IL23R: variants seen among roughly 807,000 people sequenced by gnomAD.
IL23R encodes the protein interleukin-23 receptor.
A neutral mutation model predicts 56.9 loss-of-function variants in IL23R; 34 were observed. That is an observed-to-expected ratio of 0.60 (90% CI 0.45 to 0.80). The LOEUF (loss-of-function observed/expected upper bound fraction) is 0.80, where lower values mean the gene tolerates loss of function less well. Ranked by LOEUF, IL23R falls within the 30% of genes least tolerant of loss-of-function variation. IL23R has a pLI of 0.00. For synonymous variants in IL23R, 230 were observed against 249.2 expected (o/e 0.92, Z 0.73); for missense variants, 635 against 730.0 (o/e 0.87, Z 1.50).
At chr1:67,210,776 C>A (rs1740327) in intron 6 of IL23R, among the ~76,000 whole-genome samples, 3 of 152,012 alleles carry the variant, frequency 2.0e-5, no homozygotes, top group Admixed American at 6.6e-5. Flanking sequence ...CCTGGCCTGG[C>A]TTTTCTTAAT....
intron 3 of IL23R, among the ~76,000 whole-genome samples, chr1:67,174,037 A>G (rs1157448093): frequency 6.6e-6 from 1 of 152,200 alleles, no homozygotes; most frequent in Non-Finnish European, 1.5e-5. Flanking sequence ...TTAGGACTGT[A>G]TTATAGTTTA....
chr1:67,167,911 A>G (rs552088101), intron 1 of IL23R, among the ~76,000 whole-genome samples, 181 bp from the exon 2 acceptor site: 1 of 152,184 alleles, frequency 6.6e-6, no homozygotes, highest in Admixed American at 6.6e-5. Context: ...TATATCTCCT[A>G]AATATACCAG....
chr1:67,210,469 GT>G (rs552762815), intron 6 of IL23R, among the ~76,000 whole-genome samples: 81 of 147,072 alleles, frequency 5.5e-4, no homozygotes, highest in African/African-American at 1.4e-3. Context: ...CTTTTTTAAG[GT>G]TTTTTTTTTA....
intron 1 of IL23R, among the ~76,000 whole-genome samples, chr1:67,167,395 A>T (rs1198357235): frequency 6.6e-6 from 1 of 152,236 alleles, no homozygotes; most frequent in Non-Finnish European, 1.5e-5. Context: ...TTAGAGTCTC[A>T]CTGGTGAGAG....
At chr1:67,156,607 C>G (rs917661317) in intron 1 of IL23R, among the ~76,000 whole-genome samples, 3 of 152,228 alleles carry the variant, frequency 2.0e-5, no homozygotes, top group Non-Finnish European at 4.4e-5. Flanking sequence ...CTCCTTAGGG[C>G]TGTTAGGGGA....
intron 3 of IL23R, 95 bp downstream of exon 3, chr1:67,169,733 A>G: frequency 1.7e-6 from 2 of 1,178,538 alleles, no homozygotes; most frequent in South Asian, 1.2e-5. Flanking sequence ...ACAAAATAAT[A>G]TAGTTCAGTT....
At chr1:67,179,464 TC>T (rs1420350631) in intron 3 of IL23R, among the ~76,000 whole-genome samples, 1 of 152,160 alleles carries the variant, frequency 6.6e-6, no homozygotes, top group East Asian at 1.9e-4. Flanking sequence ...GGTGGTGATA[TC>T]CCCTGTATCA....
chr1:67,194,370 C>T (rs1647980774), intron 4 of IL23R, among the ~76,000 whole-genome samples: 1 of 152,140 alleles, frequency 6.6e-6, no homozygotes, highest in Admixed American at 6.5e-5. Context: ...CTAAGCCTAT[C>T]CAGGAGCCCC....
At chr1:67,223,414 G>A (rs1650426896) in intron 7 of IL23R, among the ~76,000 whole-genome samples, 1 of 152,052 alleles carries the variant, frequency 6.6e-6, no homozygotes, top group East Asian at 1.9e-4. Flanking sequence ...CTGAAAACTT[G>A]GATTTATTAA....
intron 7 of IL23R, among the ~76,000 whole-genome samples, chr1:67,235,359 C>A (rs556228481): frequency 7.0e-4 from 106 of 151,866 alleles, no homozygotes; most frequent in Middle Eastern, 6.8e-3. Flanking sequence ...CCTCCTCACG[C>A]TTATGCCTGC....
intron 3 of IL23R, among the ~76,000 whole-genome samples, chr1:67,178,543 A>G (rs1244121440): frequency 9.9e-5 from 15 of 152,228 alleles, no homozygotes; most frequent in Non-Finnish European, 1.5e-5. Context: ...TTTTCTAGAT[A>G]TACAATCATG....
chr1:67,261,653 G>C (rs1236582757), downstream of IL23R, among the ~76,000 whole-genome samples: 1 of 152,114 alleles, frequency 6.6e-6, no homozygotes, highest in African/African-American at 2.4e-5. Flanking sequence ...AGCCAAGAAG[G>C]AGGTAGCATT....
intron 1 of IL23R, among the ~76,000 whole-genome samples, chr1:67,141,869 C>A (rs1182290963): frequency 1.3e-5 from 2 of 151,896 alleles, no homozygotes. Context: ...AGTTAAGCTA[C>A]CTTTTAAGCA....
intron 7 of IL23R, among the ~76,000 whole-genome samples, chr1:67,221,645 C>T (rs995437979): frequency 6.6e-6 from 1 of 152,160 alleles, no homozygotes; most frequent in African/African-American, 2.4e-5. Flanking sequence ...AGATGTCTCC[C>T]TACTGTAGGT....
intron 1 of IL23R, among the ~76,000 whole-genome samples, chr1:67,149,543 T>C (rs1646710278): frequency 1.3e-5 from 2 of 152,170 alleles, no homozygotes; most frequent in African/African-American, 2.4e-5. Flanking sequence ...TTTCCCGAAG[T>C]ACTCTATCAA....
At chr1:67,196,258 A>T (rs1482150521) in intron 4 of IL23R, 1 of 152,260 alleles carries the variant, frequency 6.6e-6, no homozygotes, top group Non-Finnish European at 1.5e-5. Context: ...ATAAGAATGT[A>T]TATGGCTGAG....
intron 6 of IL23R, among the ~76,000 whole-genome samples, chr1:67,213,945 C>T (rs941326049): frequency 6.6e-6 from 1 of 152,160 alleles, no homozygotes; most frequent in Non-Finnish European, 1.5e-5. Flanking sequence ...TTCTGAATTC[C>T]CTAGAAGTCT....
intron 3 of IL23R, among the ~76,000 whole-genome samples, chr1:67,171,977 C>T (rs1646950068): frequency 6.6e-6 from 1 of 152,136 alleles, no homozygotes; most frequent in African/African-American, 2.4e-5. Flanking sequence ...ACATTCTCTG[C>T]CGATGGCTGC....
At chr1:67,243,559 G>A (rs907267735) in intron 9 of IL23R, among the ~76,000 whole-genome samples, 4 of 152,188 alleles carry the variant, frequency 2.6e-5, no homozygotes, top group African/African-American at 9.6e-5. Flanking sequence ...AACATGTGGT[G>A]TTTGGTTTTC....
Sources: allele counts gnomAD v4.1 joint callset (sites outside exome capture counted in the v4.1 genomes callset), GRCh38; gene constraint gnomAD v4.1.1; transcripts MANE v1.5; gene names NCBI Gene and HGNC (gene_info 2026-07-23, HGNC 2026-07-21).